The following OR2M3 variants were observed in gnomAD, a reference collection of about 807,000 sequenced individuals.
OR2M3 encodes the protein olfactory receptor family 2 subfamily M member 3, also known as olfactory receptor 2M3.
A neutral mutation model predicts 4.3 loss-of-function variants in OR2M3; 1 was observed. That is an observed-to-expected ratio of 0.23 (90% confidence interval 0.08 to 1.11). The LOEUF is 1.11. OR2M3 is among the 50% of genes most tolerant of loss of function. OR2M3 has a pLI of 0.54. For missense variants in OR2M3, 410 were observed against 390.4 expected (o/e 1.05, Z -0.42); for synonymous variants, 151 against 139.4 (o/e 1.08, Z -0.59).
chr1:248,200,983 C>G (rs138261360), intron 1 of OR2M3, among the ~76,000 whole-genome samples: 1 of 151,984 alleles, frequency 6.6e-6, no homozygotes, highest in South Asian at 2.1e-4. Context: ...AAAAATGTGA[C>G]GCATGAATAA....
rs753915691 is a variant in OR2M3, at chr1:248,203,335, A to C, written c.268A>C (p.Lys90Gln). The change falls in exon 2 of 2, where the codon AAG becomes CAG. Residue 90 changes from lysine (K) to glutamine (Q), a missense_variant. Physicochemically the swap from Lys to Gln is moderately conservative, Grantham distance 53. Transcript: ENST00000641626. ...KMAFNYLSGS[K>Q]SISMAGCATQ... ...GGCCTTCAACTACCTGTCTGGCAGC[A>C]AGTCCATTTCTATGGCTGGTTGTGC... 1 of 1,614,142 alleles carries C rather than the reference A, an allele frequency of 6.2e-7. No homozygotes were observed. Among genetic ancestry groups the C allele is most frequent in the Non-Finnish European group, 8.5e-7 (1 of 1,180,018 alleles).
In OR2M3 at chr1:248,203,530, G is replaced by C; in HGVS notation, c.463G>C (p.Asp155His). The C allele has an allele frequency of 1.2e-6, 2 of 1,613,686 alleles. No homozygotes were observed. The highest frequency in any genetic ancestry group is 1.7e-6 in the Non-Finnish European group (2 of 1,179,808). Reference sequence around the variant, plus strand: ...CTTTTCCTGGATCCTGGGCTCTACGGATGGAATTATTGATGTTGTAGCAAC... The same window carrying C: ...CTTTTCCTGGATCCTGGGCTCTACGCATGGAATTATTGATGTTGTAGCAAC... ...TAFSWILGST[D>H]GIIDVVATFS... Residue 155 changes from aspartate to histidine, a missense_variant, in exon 2 of 2, where the codon GAT becomes CAT. Coordinates refer to ENST00000641626, the MANE Select transcript of OR2M3 (RefSeq NM_001004689.2).
rs1200045847 is a variant in OR2M3, at chr1:248,206,104, G to C, written c.*2098G>C. 1 of 151,914 alleles carries C rather than the reference G, an allele frequency of 6.6e-6. No homozygotes were observed. Among genetic ancestry groups the C allele is most frequent in the Non-Finnish European group, 1.5e-5 (1 of 67,906 alleles). 9.4% of individuals were successfully genotyped at this position (151,914 alleles called of 1,614,324 possible). A position where few individuals can be genotyped will look rare whatever the true frequency, so the allele number is the denominator to read the frequency against. On this transcript the variant is annotated 3_prime_UTR_variant, in exon 2 of 2. Transcript: ENST00000641626. ...GAGTTCTTGATTTGATTCTCAGCTG[G>C]TTGCCATTAGTATATAGCAGAGCTA...
At chr1:248,198,598 C>CT (rs1572789689) in intron 1 of OR2M3, among the ~76,000 whole-genome samples, 1 of 152,240 alleles carries the variant, frequency 6.6e-6, no homozygotes, top group East Asian at 1.9e-4. Flanking sequence ...TGCTTTACAA[C>CT]TTTTTTGATC....
chr1:248,202,713 T>C (rs1666171418), intron 1 of OR2M3, among the ~76,000 whole-genome samples: 1 of 152,106 alleles, frequency 6.6e-6, no homozygotes, highest in East Asian at 1.9e-4. Flanking sequence ...TATCAATGTG[T>C]CTGTAAAAGA....
Position 248,203,307 on chromosome 1 carries a change from G to A in OR2M3, c.240G>A (p.Lys80=). 1 of 1,614,092 alleles carries A rather than the reference G, an allele frequency of 6.2e-7. No individual in the cohort carries two copies. The highest frequency in any genetic ancestry group is 8.5e-7 in the Non-Finnish European group (1 of 1,180,010). Residue 80 remains lysine (K), a synonymous_variant, in exon 2 of 2, where the codon AAG becomes AAA. Transcript: ENST00000641626. ...TGCTCATCTGCACCACCGTACCCAA[G>A]ATGGCCTTCAACTACCTGTCTGGCA... ...DLMLICTTVP[K]MAFNYLSGSK...
In OR2M3 at chr1:248,210,267, C is replaced by T. The variant is rs1356802788; in HGVS notation, c.*6261C>T. On this transcript the variant is annotated 3_prime_UTR_variant, in exon 2 of 2. Coordinates refer to ENST00000641626, the MANE Select transcript of OR2M3 (RefSeq NM_001004689.2). Reference sequence around the variant, plus strand: ...TGAGAATTTGCCCCAGACCATGAGCCTCTCTGTTGAGAAAGCAAACAGACT... The same window carrying T: ...TGAGAATTTGCCCCAGACCATGAGCTTCTCTGTTGAGAAAGCAAACAGACT... The T allele has an allele frequency of 6.6e-6, 1 of 152,336 alleles. No homozygotes were observed. The highest frequency in any genetic ancestry group is 2.1e-4 in the South Asian group (1 of 4,816). The allele number at this position is 152,336 out of a possible 1,614,324, so 9.4% of individuals were successfully genotyped here.
At position 248,207,806 on chromosome 1, in the gene OR2M3, A is replaced by G. The variant is rs1384973024; in HGVS notation, c.*3800A>G. 1.3e-5 allele frequency: 2 copies of G among 152,074 alleles called. No individual in the cohort carries two copies. Among genetic ancestry groups the G allele is most frequent in the Non-Finnish European group, 2.9e-5 (2 of 67,966 alleles). The allele number at this position is 152,074 out of a possible 1,614,324, so 9.4% of individuals were successfully genotyped here. ...GCAGTTGCTTAGTAGAATGTTCTGT[A>G]AATATCTGTTAATCCCATTTCTTGT... On this transcript the variant is annotated 3_prime_UTR_variant, in exon 2 of 2. Transcript: ENST00000641626.
Position 248,209,610 on chromosome 1 carries a change from T to C in OR2M3, c.*5604T>C, listed in dbSNP as rs1572795096. On this transcript the variant is annotated 3_prime_UTR_variant, in exon 2 of 2. Coordinates refer to ENST00000641626, the MANE Select transcript of OR2M3 (RefSeq NM_001004689.2). ...GTGGAGCTACCAGGTTCCATACTGGTACTTGGGAGTGTCTGCAAAGATCCT... is the reference window on the plus strand; with the variant it reads ...GTGGAGCTACCAGGTTCCATACTGGCACTTGGGAGTGTCTGCAAAGATCCT... The C allele has an allele frequency of 6.6e-6, 1 of 151,736 alleles. No homozygotes were observed. Among genetic ancestry groups the C allele is most frequent in the African/African-American group, 2.4e-5 (1 of 41,078 alleles). 9.4% of individuals were successfully genotyped at this position (151,736 alleles called of 1,614,324 possible).
rs1005739352 is a variant in OR2M3 at position 248,207,166 on chromosome 1, A to T, written c.*3160A>T. 2.0e-5 allele frequency: 3 copies of T among 151,668 alleles called. No homozygotes were observed. The highest frequency in any genetic ancestry group is 7.3e-5 in the African/African-American group (3 of 41,292). The allele number at this position is 151,668 out of a possible 1,614,324, so 9.4% of individuals were successfully genotyped here. On this transcript the variant is annotated 3_prime_UTR_variant, in exon 2 of 2. Transcript: ENST00000641626. ...AATCAATTGTAATATCTCCCTTTTCATTTCTAATTGTGTTTATTTGCATCT... is the reference window on the plus strand; with the variant it reads ...AATCAATTGTAATATCTCCCTTTTCTTTTCTAATTGTGTTTATTTGCATCT...
chr1:248,210,104 C>A lies in OR2M3; in HGVS notation c.*6098C>A, dbSNP rs1038063679. ...TGCCTCTGCTGCAACACATAGGTCACCAGAAAAGTGGGAGAAAGCCGGCAG... is the reference window on the plus strand; with the variant it reads ...TGCCTCTGCTGCAACACATAGGTCAACAGAAAAGTGGGAGAAAGCCGGCAG... On this transcript the variant is annotated 3_prime_UTR_variant, in exon 2 of 2. Transcript: ENST00000641626. 6.6e-6 allele frequency: 1 copy of A among 152,630 alleles called. No individual in the cohort carries two copies. The highest frequency in any genetic ancestry group is 1.5e-5 in the Non-Finnish European group (1 of 68,538). The allele number at this position is 152,630 out of a possible 1,614,324, so 9.5% of individuals were successfully genotyped here.
chr1:248,198,824 C>A (rs551853564), intron 1 of OR2M3, among the ~76,000 whole-genome samples: 1 of 152,138 alleles, frequency 6.6e-6, no homozygotes, highest in Non-Finnish European at 1.5e-5. Context: ...CCATGAATTT[C>A]ATAACTTCTG....
At chr1:248,199,647 A>G (rs1040248329) in intron 1 of OR2M3, among the ~76,000 whole-genome samples, 1 of 152,110 alleles carries the variant, frequency 6.6e-6, no homozygotes, top group African/African-American at 2.4e-5. Context: ...GTAACACATT[A>G]GTTCTTTTTA....
chr1:248,208,887 G>A lies in OR2M3; in HGVS notation c.*4881G>A, dbSNP rs1666251157. 6.6e-6 allele frequency: 1 copy of A among 152,158 alleles called. No homozygotes were observed. The highest frequency in any genetic ancestry group is 1.5e-5 in the Non-Finnish European group (1 of 68,014). 9.4% of individuals were successfully genotyped at this position (152,158 alleles called of 1,614,324 possible). Reference sequence around the variant, plus strand: ...ATGTTTAGATCCAGCAAGGCTGGTAGTAATTTTCCTCTATTATTCCTTCAA... The same window carrying A: ...ATGTTTAGATCCAGCAAGGCTGGTAATAATTTTCCTCTATTATTCCTTCAA... On this transcript the variant is annotated 3_prime_UTR_variant, in exon 2 of 2. Coordinates refer to ENST00000641626, the MANE Select transcript of OR2M3 (RefSeq NM_001004689.2).
In OR2M3 at chr1:248,205,299, G is replaced by T. The variant is rs1666213131; in HGVS notation, c.*1293G>T. 1 of 151,922 alleles carries T rather than the reference G, an allele frequency of 6.6e-6. No individual in the cohort carries two copies. The highest frequency in any genetic ancestry group is 2.4e-5 in the African/African-American group (1 of 41,392). The allele number at this position is 151,922 out of a possible 1,614,324, so 9.4% of individuals were successfully genotyped here. ...GTGCAAAAGGTCTTTAGTTTAATTA[G>T]TTCCCAGCTATTTATCTTTGTTTTT... On this transcript the variant is annotated 3_prime_UTR_variant, in exon 2 of 2. Transcript: ENST00000641626.
At position 248,203,984 on chromosome 1, in the gene OR2M3, G is replaced by T; in HGVS notation, c.917G>T (p.Gly306Val). Reference sequence around the variant, plus strand: ...ACCAGAGCATTCATGAAGATCTTAGGAAAGGGCAAGTCTGGAGAGTGAGTT... The same window carrying T: ...ACCAGAGCATTCATGAAGATCTTAGTAAAGGGCAAGTCTGGAGAGTGAGTT... ...EVTRAFMKIL[G>V]KGKSGE The change falls in exon 2 of 2, where the codon GGA (glycine) becomes GTA (valine). Residue 306 changes from glycine (G) to valine (V), a missense_variant. Gly to Val is a moderately radical substitution (Grantham distance 109, BLOSUM62 -3). Coordinates refer to ENST00000641626, the MANE Select transcript of OR2M3 (RefSeq NM_001004689.2). 1 of 1,613,830 alleles carries T rather than the reference G, an allele frequency of 6.2e-7. No homozygotes were observed. Among genetic ancestry groups the T allele is most frequent in the Non-Finnish European group, 8.5e-7 (1 of 1,179,874 alleles).
chr1:248,201,970 T>G (rs1666162207), intron 1 of OR2M3, among the ~76,000 whole-genome samples: 1 of 151,990 alleles, frequency 6.6e-6, no homozygotes, highest in South Asian at 2.1e-4. Context: ...GTGGATTTCA[T>G]GCTTTTCTGA....
rs1264949231 is a variant in OR2M3, at chr1:248,203,214, C to A, written c.147C>A (p.Ile49=). 3 of 1,613,986 alleles carry A rather than the reference C, an allele frequency of 1.9e-6. No homozygotes were observed. The East Asian group carries it at 6.7e-5, about 36-fold the overall frequency. The change falls in exon 2 of 2, where the codon ATC becomes ATA. Residue 49 remains isoleucine (I), a synonymous_variant. Coordinates refer to ENST00000641626, the MANE Select transcript of OR2M3 (RefSeq NM_001004689.2). ...FMGNSVMVLL[I]YLDTQLHTPM... ...GAAACTCTGTCATGGTTCTCCTCAT[C>A]TACCTGGACACCCAGCTCCACACCC...
rs1666232115 is a variant in OR2M3 at position 248,207,154 on chromosome 1, A to G, written c.*3148A>G. 1 of 151,936 alleles carries G rather than the reference A, an allele frequency of 6.6e-6. No individual in the cohort carries two copies. Among genetic ancestry groups the G allele is most frequent in the Admixed American group, 6.6e-5 (1 of 15,246 alleles). 9.4% of individuals were successfully genotyped at this position (151,936 alleles called of 1,614,324 possible). A position where few individuals can be genotyped will look rare whatever the true frequency, so the allele number is the denominator to read the frequency against. On this transcript the variant is annotated 3_prime_UTR_variant, in exon 2 of 2. Transcript: ENST00000641626. ...GTATTTCTATGGAATCAATTGTAATATCTCCCTTTTCATTTCTAATTGTGT... is the reference window on the plus strand; with the variant it reads ...GTATTTCTATGGAATCAATTGTAATGTCTCCCTTTTCATTTCTAATTGTGT...
Sources: allele counts gnomAD v4.1 joint callset (sites outside exome capture counted in the v4.1 genomes callset), GRCh38; gene constraint gnomAD v4.1.1; transcripts MANE v1.5; gene names NCBI Gene and HGNC (gene_info 2026-07-23, HGNC 2026-07-21).